IFT140: variants seen among roughly 807,000 people sequenced by gnomAD.
The protein encoded by IFT140 is intraflagellar transport protein 140 homolog.
IFT140 carries 133 observed loss-of-function variants against 164.6 expected under a neutral mutation model. That is an observed-to-expected ratio of 0.81 (90% CI 0.70 to 0.93). IFT140 has a LOEUF of 0.93. Ranked by LOEUF, IFT140 falls within the 40% of genes least tolerant of loss-of-function variation. IFT140 has a pLI of 0.00. For synonymous variants in IFT140, 860 were observed against 817.3 expected (o/e 1.05, Z -0.89); for missense variants, 2,045 against 1,972.3 (o/e 1.04, Z -0.70).
At chr16:1,520,850 G>A (rs748523044) in intron 26 of IFT140, 42 bp from the exon 27 acceptor site, 27 of 1,558,462 alleles carry the variant, frequency 1.7e-5, no homozygotes, top group Middle Eastern at 1.7e-4. Context: ...CGAGGGGGCC[G>A]GGAACTGAAG....
rs1257804746 is a variant in IFT140, at chr16:1,580,770, G to A, written c.1513C>T (p.Arg505Ter). The change falls in exon 13 of 31, where the codon CGA (arginine) becomes TGA (stop). Residue 505 changes from arginine (R) to a stop codon, truncating the protein, a stop_gained. Coordinates refer to ENST00000426508, the MANE Select transcript of IFT140 (RefSeq NM_014714.4). LOFTEE classifies it high-confidence loss of function. ...GAGCAGCAACTTACCTGCCAGGTTC[G>A]AACTTGAACTCGGTTTGACTCCACC... ...YTVESNRVQV[R>*]TWQGTVKQLL... 12 of 1,612,920 alleles carry A rather than the reference G, an allele frequency of 7.4e-6. No homozygotes were observed. In the Admixed American group the frequency reaches 1.2e-4, roughly 16 times the overall value.
intron 2 of IFT140, among the ~76,000 whole-genome samples, chr16:1,607,991 G>A (rs955229151): frequency 2.0e-5 from 3 of 152,148 alleles, no homozygotes; most frequent in Admixed American, 1.3e-4. Flanking sequence ...CCAGAAAAGA[G>A]TACTGGTACA....
chr16:1,582,105 A>G (rs940773536), intron 12 of IFT140, among the ~76,000 whole-genome samples: 1 of 152,036 alleles, frequency 6.6e-6, no homozygotes, highest in Admixed American at 6.6e-5. Flanking sequence ...GGGGGAGCTG[A>G]GCTGCACATC....
At chr16:1,523,278 C>T (rs2040576085) in intron 26 of IFT140, among the ~76,000 whole-genome samples, 1 of 152,072 alleles carries the variant, frequency 6.6e-6, no homozygotes, top group African/African-American at 2.4e-5. Flanking sequence ...TTTTACCCCC[C>T]ACCATAGGTG....
chr16:1,594,703 G>A (rs1348945643), intron 4 of IFT140, among the ~76,000 whole-genome samples: 2 of 152,236 alleles, frequency 1.3e-5, no homozygotes, highest in Non-Finnish European at 2.9e-5. Context: ...GGAAGGGGAG[G>A]ACGGCTCCAC....
chr16:1,561,847 G>C (rs1282488636), intron 18 of IFT140, 138 bp downstream of exon 18: 1 of 750,276 alleles, frequency 1.3e-6, no homozygotes, highest in African/African-American at 1.8e-5. Flanking sequence ...CTGGATGGCT[G>C]ATGCTGTCTA....
chr16:1,542,143 G>A (rs773528024), intron 19 of IFT140: 19 of 1,455,066 alleles, frequency 1.3e-5, no homozygotes, highest in Non-Finnish European at 1.7e-5. Flanking sequence ...CCACAGGAGG[G>A]TCCTGAGGCC....
chr16:1,558,134 G>A lies in IFT140; in HGVS notation c.2200C>T (p.Pro734Ser), dbSNP rs1298153861. The change falls in exon 19 of 31, where the codon CCC (proline) becomes TCC (serine). Residue 734 changes from proline (P) to serine (S), a missense_variant and splice_region_variant. Transcript: ENST00000426508. ...TCGTCTTCTCTGTCTGCTTCTTCGG[G>A]CTAAATGACAAAGGACCCATGTGTT... Reference protein sequence around the residue: ...EVPYYYFTRKPEEADREDEVE... With the variant: ...EVPYYYFTRKSEEADREDEVE... The A allele has an allele frequency of 1.2e-6, 2 of 1,614,070 alleles. No individual in the cohort carries two copies. Among genetic ancestry groups the A allele is most frequent in the Admixed American group, 3.3e-5 (2 of 60,018 alleles).
intron 26 of IFT140, among the ~76,000 whole-genome samples, chr16:1,523,176 ACCACCACAGT>A (rs2040571524): frequency 1.3e-5 from 2 of 150,752 alleles, no homozygotes; most frequent in Non-Finnish European, 3.0e-5. Flanking sequence ...CCAAGATGGC[ACCACCACAGT>A]CCAGCCTGGG....
Position 1,551,183 on chromosome 16 carries a change from GTGGTC to G in IFT140, c.2399+6747_2399+6751del, listed in dbSNP as rs2032604246. 6.6e-6 allele frequency among the ~76,000 whole-genome samples: 1 copy of G among 152,258 alleles called. No individual in the cohort carries two copies. The highest frequency in any genetic ancestry group is 6.5e-5 in the Admixed American group (1 of 15,288). ...ATTGCGGAGAGACTTCTGGGAAGCT[GTGGTC>G]AATGGTGGGGCAAGTTCTGGCCCCG... On this transcript the variant is annotated intron_variant, in intron 19 of 30. Transcript: ENST00000426508. This position sits in a 1 kb window ranked among gnomAD's most constrained non-coding sequence, Gnocchi z 4.0.
rs1167592304 is a variant in IFT140, at chr16:1,592,505, G to C, written c.453C>G (p.His151Gln). Residue 151 changes from histidine (H) to glutamine (Q), a missense_variant, in exon 5 of 31, where the codon CAC (histidine) becomes CAG (glutamine). His to Gln is a conservative substitution (Grantham distance 24). Coordinates refer to ENST00000426508, the MANE Select transcript of IFT140 (RefSeq NM_014714.4). ...GGAGCCGGAAGATGCAGTGCGTGAG[G>C]TGTTTCCCATACTCGTGTTTCAGCA... ...TPLLKHEYGK[H>Q]LTHCIFRLPP... The C allele has an allele frequency of 3.1e-6, 5 of 1,614,228 alleles. No homozygotes were observed. The highest frequency in any genetic ancestry group is 2.5e-6 in the Non-Finnish European group (3 of 1,180,038).
intron 4 of IFT140, among the ~76,000 whole-genome samples, chr16:1,594,226 GT>G (rs57833692): frequency 2.7e-4 from 39 of 144,364 alleles, no homozygotes; most frequent in Admixed American, 2.8e-4. Context: ...AAAGTTTTTT[GT>G]TTTTTTTTTT....
chr16:1,518,782 T>G (rs1344210433), intron 29 of IFT140, among the ~76,000 whole-genome samples: 1 of 151,894 alleles, frequency 6.6e-6, no homozygotes, highest in African/African-American at 2.4e-5. Flanking sequence ...GCTGCGTGTG[T>G]GACCTGGCGT....
intron 19 of IFT140, among the ~76,000 whole-genome samples, chr16:1,549,611 T>C (rs2032469103): frequency 6.6e-6 from 1 of 152,168 alleles, no homozygotes; most frequent in African/African-American, 2.4e-5. Context: ...TTTGTACCTT[T>C]AGTAGAGATG....
rs779369384 is a variant in IFT140 at position 1,520,766 on chromosome 16, T to C, written c.3496A>G (p.Ile1166Val). 6.2e-6 allele frequency: 10 copies of C among 1,608,034 alleles called. No individual in the cohort carries two copies. The highest frequency in any genetic ancestry group is 5.0e-5 in the Admixed American group (3 of 60,004). ...LQLCLGQNMS[I>V]TEEMAEKMTV... is the part of the protein sequence containing the mutation. Reference sequence around the variant, plus strand: ...ATCTTTTCCGCCATCTCCTCGGTGATGCTCATGTTCTGCCCCAGGCACAGC... The same window carrying C: ...ATCTTTTCCGCCATCTCCTCGGTGACGCTCATGTTCTGCCCCAGGCACAGC... The change falls in exon 27 of 31, where the codon ATC (isoleucine) becomes GTC (valine). Residue 1166 changes from isoleucine (I) to valine (V), a missense_variant. By Grantham distance (29) the Ile-to-Val change is conservative (BLOSUM62 3). Coordinates refer to ENST00000426508, the MANE Select transcript of IFT140 (RefSeq NM_014714.4).
intron 13 of IFT140, 76 bp downstream of exon 13, chr16:1,580,683 A>G (rs1378778869): frequency 3.1e-6 from 3 of 983,298 alleles, no homozygotes; most frequent in Admixed American, 1.8e-5. Flanking sequence ...TGAAATCAAT[A>G]AACAGGCTTT....
At position 1,553,748 on chromosome 16, in the gene IFT140, AT is replaced by A. The variant is rs754899976; in HGVS notation, c.2399+4186del. 188 of 1,155,778 alleles carry A rather than the reference AT, an allele frequency of 1.6e-4. 1 individual carries two copies. The highest frequency in any genetic ancestry group is 4.0e-4 in the Middle Eastern group (1 of 2,502). 71.6% of individuals were successfully genotyped at this position (1,155,778 alleles called of 1,614,324 possible). ...GGCCACATCCCCATGGCTGTAGGGG[AT>A]GAGGAGGGGCAGGGCCATGTGGACA... On this transcript the variant is annotated intron_variant, in intron 19 of 30. Coordinates refer to ENST00000426508, the MANE Select transcript of IFT140 (RefSeq NM_014714.4). This position sits in a 1 kb window ranked among gnomAD's most constrained non-coding sequence, Gnocchi z 4.4.
intron 30 of IFT140, chr16:1,513,024 C>T (rs545203234): frequency 1.4e-4 from 21 of 152,266 alleles, no homozygotes; most frequent in African/African-American, 4.1e-4. Flanking sequence ...CCGACACGGT[C>T]GCCAGCATGT....
chr16:1,556,784 A>G (rs2033112569), intron 19 of IFT140, among the ~76,000 whole-genome samples: 1 of 152,142 alleles, frequency 6.6e-6, no homozygotes, highest in Admixed American at 6.6e-5. Flanking sequence ...TTTAAACCAG[A>G]GCAGGCTGAA....
Sources: allele counts gnomAD v4.1 joint callset (sites outside exome capture counted in the v4.1 genomes callset), GRCh38; gene constraint gnomAD v4.1.1; non-coding constraint Gnocchi (gnomAD v3.1); transcripts MANE v1.5; gene names NCBI Gene and HGNC (gene_info 2026-07-23, HGNC 2026-07-21).